RAB27B: variants seen among roughly 807,000 people sequenced by gnomAD.
The protein encoded by RAB27B is ras-related protein Rab-27B.
In RAB27B, 15 loss-of-function variants were observed where a neutral mutation model predicts 24.6. The observed-to-expected ratio is 0.61, with a 90% confidence interval of 0.41 to 0.94. The LOEUF (loss-of-function observed/expected upper bound fraction) is 0.94. RAB27B is among the 40% of genes least tolerant of loss of function. The pLI is 0.00. For synonymous variants in RAB27B, 105 were observed against 92.5 expected, an observed-to-expected ratio of 1.14 and a Z score of -0.78; for missense variants, 261 against 266.8, an observed-to-expected ratio of 0.98 and a Z score of 0.15.
chr18:54,857,959 A>G (rs1028541607), intron 1 of RAB27B, among the ~76,000 whole-genome samples: 4 of 152,258 alleles, frequency 2.6e-5, no homozygotes, highest in African/African-American at 9.6e-5. Context: ...TTATAAAACT[A>G]GTTTCCATTT....
At chr18:54,830,914 T>G (rs1253719058) in intron 1 of RAB27B, among the ~76,000 whole-genome samples, 1 of 152,214 alleles carries the variant, frequency 6.6e-6, no homozygotes, top group African/African-American at 2.4e-5. Context: ...ACTAAACAAC[T>G]GCTCAATATA....
At chr18:54,721,690 A>G (rs186355437) in intron 2 of RAB27B, among the ~76,000 whole-genome samples, 1 of 152,362 alleles carries the variant, frequency 6.6e-6, no homozygotes, top group East Asian at 1.9e-4. Context: ...ATGCATTGTT[A>G]CTAAAATTAT....
intron 2 of RAB27B, among the ~76,000 whole-genome samples, chr18:54,733,111 T>G (rs1248972930): frequency 1.3e-5 from 2 of 152,134 alleles, no homozygotes; most frequent in Non-Finnish European, 2.9e-5. Context: ...GGTGGCATGA[T>G]CATAGCTCAC....
chr18:54,740,430 C>T (rs1203458909), intron 2 of RAB27B, among the ~76,000 whole-genome samples: 2 of 152,124 alleles, frequency 1.3e-5, no homozygotes, highest in Non-Finnish European at 2.9e-5. Context: ...CACAAATTTC[C>T]AGAACCTATT....
intron 1 of RAB27B, among the ~76,000 whole-genome samples, chr18:54,843,713 T>C (rs922269430): frequency 1.3e-5 from 2 of 152,244 alleles, no homozygotes; most frequent in African/African-American, 4.8e-5. Context: ...TCTACTTGAT[T>C]CTAACACTTT....
At chr18:54,732,308 A>G (rs1490249039) in intron 2 of RAB27B, among the ~76,000 whole-genome samples, 1 of 152,206 alleles carries the variant, frequency 6.6e-6, no homozygotes, top group Non-Finnish European at 1.5e-5. Context: ...CAGAATGTTC[A>G]AGTTTATTTC....
intron 2 of RAB27B, among the ~76,000 whole-genome samples, chr18:54,781,169 T>C (rs1908904606): frequency 6.6e-6 from 1 of 152,048 alleles, no homozygotes; most frequent in Non-Finnish European, 1.5e-5. Flanking sequence ...GAAGCAGAAA[T>C]ACTCAGCCAC....
chr18:54,799,522 T>C (rs1177444303), intron 2 of RAB27B, among the ~76,000 whole-genome samples: 1 of 151,968 alleles, frequency 6.6e-6, no homozygotes, highest in Non-Finnish European at 1.5e-5. Context: ...AATTTCTGTT[T>C]TTTAAAAAAC....
chr18:54,766,455 T>G (rs1908365116), intron 2 of RAB27B, among the ~76,000 whole-genome samples: 1 of 152,170 alleles, frequency 6.6e-6, no homozygotes, highest in African/African-American at 2.4e-5. Flanking sequence ...ATTGAATGTC[T>G]CCACATCTCC....
At chr18:54,852,697 A>G (rs1568097722) in intron 1 of RAB27B, among the ~76,000 whole-genome samples, 1 of 152,180 alleles carries the variant, frequency 6.6e-6, no homozygotes. Context: ...GAAAGGATAT[A>G]ATTATAAGTT....
intron 2 of RAB27B, among the ~76,000 whole-genome samples, chr18:54,804,288 A>G (rs755966416): frequency 2.0e-5 from 3 of 152,206 alleles, no homozygotes; most frequent in Non-Finnish European, 4.4e-5. Context: ...CTTGAATTGT[A>G]TACCCCAGAA....
chr18:54,838,388 T>G (rs1192552233), intron 1 of RAB27B, among the ~76,000 whole-genome samples: 3 of 152,162 alleles, frequency 2.0e-5, no homozygotes, highest in African/African-American at 7.2e-5. Context: ...TGTTAATATT[T>G]TTTTTCTAGT....
chr18:54,763,918 G>C (rs1908277104), intron 2 of RAB27B, among the ~76,000 whole-genome samples: 1 of 152,048 alleles, frequency 6.6e-6, no homozygotes, highest in African/African-American at 2.4e-5. Context: ...GTATTGAGAA[G>C]GGGAAACTTT....
chr18:54,734,454 T>A (rs1287034781), intron 2 of RAB27B, among the ~76,000 whole-genome samples: 2 of 152,160 alleles, frequency 1.3e-5, no homozygotes, highest in Non-Finnish European at 2.9e-5. Flanking sequence ...AGCAGAGATC[T>A]ATTTGATGAT....
At chr18:54,845,549 C>T (rs117860056) in intron 1 of RAB27B, among the ~76,000 whole-genome samples, 27 of 151,880 alleles carry the variant, frequency 1.8e-4, no homozygotes, top group Non-Finnish European at 2.9e-4. Context: ...AATACCGTCT[C>T]GTTTTTAGCC....
At chr18:54,834,777 A>G (rs956018068) in intron 1 of RAB27B, among the ~76,000 whole-genome samples, 9 of 150,090 alleles carry the variant, frequency 6.0e-5, no homozygotes, top group African/African-American at 2.3e-4. Flanking sequence ...TAAAACGTTT[A>G]GGGAAAAAGC....
intron 2 of RAB27B, among the ~76,000 whole-genome samples, chr18:54,803,351 A>C (rs144865167): frequency 2.0e-5 from 3 of 152,312 alleles, no homozygotes; most frequent in African/African-American, 4.8e-5. Flanking sequence ...GAGGCTTGAC[A>C]GATCAGAGAA....
At chr18:54,792,747 A>C (rs1437641940) in intron 2 of RAB27B, among the ~76,000 whole-genome samples, 1 of 152,212 alleles carries the variant, frequency 6.6e-6, no homozygotes, top group East Asian at 1.9e-4. Context: ...GAAGATCTAC[A>C]CTGGATTACT....
intron 2 of RAB27B, among the ~76,000 whole-genome samples, chr18:54,733,660 C>CCT (rs536292934): frequency 0.03 from 4,232 of 139,398 alleles, 296 homozygotes; most frequent in African/African-American, 0.087. Context: ...GCCCCCCCCC[C>CCT]CCAAATTTGC....
Sources: allele counts gnomAD v4.1 joint callset (sites outside exome capture counted in the v4.1 genomes callset), GRCh38; gene constraint gnomAD v4.1.1; transcripts MANE v1.5; gene names NCBI Gene and HGNC (gene_info 2026-07-23, HGNC 2026-07-21).